Variants in LPIN1 observed in about 807,000 individuals in gnomAD.
LPIN1 encodes lipin 1, also known as phosphatidate phosphatase LPIN1.
LPIN1 carries 71 observed loss-of-function variants against 107.5 expected under a neutral mutation model. The ratio of observed to expected loss-of-function variants is 0.66; its 90% CI spans 0.55 to 0.80. The LOEUF is 0.80. Among genes scored for constraint, LPIN1 ranks in the 30% least tolerant of loss-of-function variants. LPIN1 has a pLI of 0.00. For synonymous variants in LPIN1, 445 were observed against 452.6 expected (o/e 0.98, Z 0.21); for missense variants, 1,043 against 1,160.6 (o/e 0.90, Z 1.47).
At chr2:11,813,702 G>A (rs1250242931) in intron 17 of LPIN1, among the ~76,000 whole-genome samples, 1 of 151,980 alleles carries the variant, frequency 6.6e-6, no homozygotes, top group Non-Finnish European at 1.5e-5. Flanking sequence ...ATCACCTGAG[G>A]TCAGGAGTTC....
intron 14 of LPIN1, among the ~76,000 whole-genome samples, chr2:11,800,449 C>T (rs1297412628): frequency 1.3e-5 from 2 of 152,024 alleles, no homozygotes; most frequent in African/African-American, 4.8e-5. Flanking sequence ...ACTCTGTCAC[C>T]CAGGCTGGAG....
intron 18 of LPIN1, chr2:11,818,021 C>G (rs76439006): frequency 6.7e-6 from 1 of 149,928 alleles, no homozygotes; most frequent in Admixed American, 6.7e-5. Flanking sequence ...TATCTGTGAA[C>G]GTGTGGTTCT....
rs1663288739 is a variant in LPIN1 at position 11,709,357 on chromosome 2, G to A, written c.82-4399G>A. Reference sequence around the variant, plus strand: ...CTGAGTGTAACTCGAGCCTCCGTTAGATGGAAAAACTGAGACCCAGAGAAG... The same window carrying A: ...CTGAGTGTAACTCGAGCCTCCGTTAAATGGAAAAACTGAGACCCAGAGAAG... On this transcript the variant is annotated intron_variant, in intron 1 of 21. Transcript: ENST00000449576. 1.3e-5 allele frequency among the ~76,000 whole-genome samples: 2 copies of A among 152,234 alleles called. 1 individual carries two copies. The highest frequency in any genetic ancestry group is 4.1e-4 in the South Asian group (2 of 4,822).
At chr2:11,680,445 G>A (rs573312318) in intron 1 of LPIN1, among the ~76,000 whole-genome samples, 12 of 152,126 alleles carry the variant, frequency 7.9e-5, no homozygotes, top group African/African-American at 1.2e-4. Context: ...GGGGCGGTGC[G>A]TGAAAGGCCT....
chr2:11,720,823 C>A (rs1380587172), upstream of LPIN1, among the ~76,000 whole-genome samples: 1 of 151,700 alleles, frequency 6.6e-6, no homozygotes, highest in African/African-American at 2.4e-5. Context: ...CCAGCTGTCT[C>A]CCGAGGATGC....
In LPIN1 at chr2:11,791,999, T is replaced by A. The variant is rs988428098; in HGVS notation, c.1799T>A (p.Ile600Asn). The change falls in exon 13 of 21, where the codon ATC becomes AAC. Residue 600 changes from isoleucine (I) to asparagine (N), a missense_variant. Physicochemically the swap from Ile to Asn is moderately radical, Grantham distance 149 (BLOSUM62 -3). Transcript: ENST00000674199. Reference protein sequence around the residue: ...WFSWRGRNTTIKEESKPEQCL... With the variant: ...WFSWRGRNTTNKEESKPEQCL... The stretch of plus-strand genomic sequence containing the variant: ...TCATGGAGGGGAAGAAACACCACAA[T>A]CAAGGAGGTAAGCCCAGAAGACAAA... 1.4e-5 allele frequency: 22 copies of A among 1,613,642 alleles called. No individual in the cohort carries two copies. The highest frequency in any genetic ancestry group is 1.6e-5 in the Non-Finnish European group (19 of 1,179,668).
At position 11,815,118 on chromosome 2, in the gene LPIN1, C is replaced by G; in HGVS notation, c.2280C>G (p.Ala760=). The G allele has an allele frequency of 6.2e-7, 1 of 1,614,126 alleles. No individual in the cohort carries two copies. The highest frequency in any genetic ancestry group is 8.5e-7 in the Non-Finnish European group (1 of 1,180,014). ...QNGYKFLYCS[A]RAIGMADMTR... Reference sequence around the variant, plus strand: ...GATATAAATTTCTCTACTGTTCTGCCCGTGCCATCGGGATGGCGGACATGA... The same window carrying G: ...GATATAAATTTCTCTACTGTTCTGCGCGTGCCATCGGGATGGCGGACATGA... Residue 760 remains alanine, a synonymous_variant, in exon 18 of 21, where the codon GCC becomes GCG. Transcript: ENST00000674199.
rs558600074 is a variant in LPIN1, at chr2:11,803,214, C to G, written c.2013+181C>G. Among the ~76,000 whole-genome samples the G allele has an allele frequency of 6.6e-6, 1 of 152,196 alleles. No individual in the cohort carries two copies. Among genetic ancestry groups the G allele is most frequent in the Non-Finnish European group, 1.5e-5 (1 of 68,030 alleles). ...AACTCCAGCACTATCCAGGCTGGGT[C>G]CCCAATATGACCTTGCCTTTTGTCT... is the stretch of plus-strand genomic sequence containing the variant. On this transcript the variant is annotated intron_variant, in intron 15 of 20. Transcript: ENST00000674199. This position sits in a 1 kb window ranked among gnomAD's most constrained non-coding sequence, Gnocchi z 4.2.
chr2:11,769,313 C>G, intron 3 of LPIN1, among the ~76,000 whole-genome samples: 1 of 152,192 alleles, frequency 6.6e-6, no homozygotes, highest in Non-Finnish European at 1.5e-5. Flanking sequence ...TTCCTAATAA[C>G]CAGCGGTATC....
At chr2:11,769,017 A>ATG (rs774728421) in intron 3 of LPIN1, among the ~76,000 whole-genome samples, 20,893 of 152,220 alleles carry the variant, frequency 0.14, 1,744 homozygotes, top group Middle Eastern at 0.2. Context: ...TGTAAACAAC[A>ATG]TGGCTGTGAA....
intron 11 of LPIN1, 138 bp downstream of exon 11, chr2:11,787,305 CT>C: frequency 1.4e-6 from 1 of 692,822 alleles, no homozygotes; most frequent in Admixed American, 2.1e-5. Flanking sequence ...ATTATCTTCA[CT>C]GTGGTCAGGG....
chr2:11,761,961 A>G (rs1669903701), intron 1 of LPIN1, among the ~76,000 whole-genome samples: 1 of 151,982 alleles, frequency 6.6e-6, no homozygotes, highest in African/African-American at 2.4e-5. Context: ...TTCAATTCTG[A>G]CACCATCTAC....
At chr2:11,715,297 G>C (rs1663661012) in intron 2 of LPIN1, among the ~76,000 whole-genome samples, 1 of 152,210 alleles carries the variant, frequency 6.6e-6, no homozygotes, top group Non-Finnish European at 1.5e-5. Flanking sequence ...ACACACGAGA[G>C]GCAGGTAAGG....
chr2:11,702,234 A>G (rs914065952), intron 1 of LPIN1, among the ~76,000 whole-genome samples: 1 of 152,200 alleles, frequency 6.6e-6, no homozygotes, highest in Non-Finnish European at 1.5e-5. Context: ...TTTCTGTGGA[A>G]AGGAACAGGT....
At chr2:11,806,557 TC>T (rs1189171849) in intron 17 of LPIN1, among the ~76,000 whole-genome samples, 4 of 151,736 alleles carry the variant, frequency 2.6e-5, no homozygotes, top group Non-Finnish European at 5.9e-5. Context: ...ATAGTGAGAT[TC>T]CCCCCCATCT....
chr2:11,692,676 A>G (rs765759423), intron 1 of LPIN1, among the ~76,000 whole-genome samples: 2 of 152,162 alleles, frequency 1.3e-5, no homozygotes, highest in Non-Finnish European at 2.9e-5. Flanking sequence ...CTTTCCTCCC[A>G]GGTACATGGT....
At chr2:11,679,095 C>G (rs946781316) in intron 1 of LPIN1, among the ~76,000 whole-genome samples, 13 of 152,196 alleles carry the variant, frequency 8.5e-5, no homozygotes, top group African/African-American at 3.1e-4. Context: ...TCATGCCCCG[C>G]AGGACTGACT....
intron 1 of LPIN1, among the ~76,000 whole-genome samples, chr2:11,701,681 C>G (rs911881712): frequency 6.6e-5 from 10 of 152,332 alleles, no homozygotes; most frequent in African/African-American, 2.4e-4. Context: ...ATCATCATCT[C>G]CATTCATGAA....
chr2:11,789,431 CGT>C (rs1007456911), intron 12 of LPIN1, among the ~76,000 whole-genome samples: 1 of 151,180 alleles, frequency 6.6e-6, no homozygotes, highest in African/African-American at 2.4e-5. Flanking sequence ...TATGTGTGTG[CGT>C]GTGTGTATGT....
Sources: allele counts gnomAD v4.1 joint callset (sites outside exome capture counted in the v4.1 genomes callset), GRCh38; gene constraint gnomAD v4.1.1; non-coding constraint Gnocchi (gnomAD v3.1); transcripts MANE v1.5; gene names NCBI Gene and HGNC (gene_info 2026-07-23, HGNC 2026-07-21).